Variants in SUMF1 observed in about 807,000 individuals in gnomAD.
The protein encoded by SUMF1 is sulfatase modifying factor 1.
A neutral mutation model predicts 47.6 loss-of-function variants in SUMF1; 48 were observed. The ratio of observed to expected loss-of-function variants is 1.01; its 90% CI spans 0.80 to 1.28. SUMF1 has a LOEUF of 1.28. SUMF1 is among the 50% of genes most tolerant of loss of function. The pLI, the probability that SUMF1 is intolerant of heterozygous loss-of-function variation, is 0.00. For missense variants in SUMF1, 571 were observed against 485.4 expected (o/e 1.18, Z -1.66); for synonymous variants, 230 against 192.1 (o/e 1.20, Z -1.63).
intron 8 of SUMF1, among the ~76,000 whole-genome samples, chr3:4,146,472 A>T (rs1339182890): frequency 6.6e-6 from 1 of 152,124 alleles, no homozygotes; most frequent in Non-Finnish European, 1.5e-5. Flanking sequence ...CAACACTGTC[A>T]GCATATGAAA....
intron 8 of SUMF1, among the ~76,000 whole-genome samples, chr3:4,211,895 G>A (rs1695806959): frequency 6.6e-6 from 1 of 152,150 alleles, no homozygotes; most frequent in Non-Finnish European, 1.5e-5. Context: ...TCCTCTCTGG[G>A]CAGGGCATCT....
chr3:4,347,333 C>T (rs867636883), intron 8 of SUMF1, among the ~76,000 whole-genome samples: 25 of 152,278 alleles, frequency 1.6e-4, no homozygotes, highest in African/African-American at 6.0e-4. Context: ...AACTTACCCA[C>T]CACAATCAAG....
chr3:4,368,331 G>A (rs1317800729), intron 8 of SUMF1, among the ~76,000 whole-genome samples: 1 of 152,188 alleles, frequency 6.6e-6, no homozygotes, highest in African/African-American at 2.4e-5. Flanking sequence ...AAAAAGTCAG[G>A]AAACAACAGG....
intron 8 of SUMF1, among the ~76,000 whole-genome samples, chr3:4,348,381 A>G (rs1249679659): frequency 6.6e-6 from 1 of 152,194 alleles, no homozygotes; most frequent in East Asian, 1.9e-4. Flanking sequence ...CCACACATCT[A>G]CAACCATCTG....
At chr3:4,350,425 T>C (rs142707547) in intron 8 of SUMF1, among the ~76,000 whole-genome samples, 1 of 151,984 alleles carries the variant, frequency 6.6e-6, no homozygotes, top group Non-Finnish European at 1.5e-5. Flanking sequence ...CATATATACA[T>C]GTAGTATAAA....
Position 4,372,997 on chromosome 3 carries a change from C to A in SUMF1, c.1014+3333G>T, listed in dbSNP as rs150235591. ...TCCTGTGGATCCCACTCAGTTCTGT[C>A]AATCTGCTATTCTCCTCTTCTAAAA... On this transcript the variant is annotated intron_variant, in intron 8 of 8. Coordinates refer to ENST00000272902, the MANE Select transcript of SUMF1 (RefSeq NM_182760.4). Among the ~76,000 whole-genome samples, 91 of 152,332 alleles carry A rather than the reference C, an allele frequency of 6.0e-4. No individual in the cohort carries two copies. In the East Asian group the frequency reaches 0.014, roughly 23 times the overall value.
intron 8 of SUMF1, among the ~76,000 whole-genome samples, chr3:4,195,014 G>C (rs765805824): frequency 2.0e-5 from 3 of 152,086 alleles, no homozygotes; most frequent in Non-Finnish European, 4.4e-5. Context: ...AAAGCAATTA[G>C]GTCACAGAGC....
At chr3:4,351,314 C>T (rs962642057) in intron 8 of SUMF1, among the ~76,000 whole-genome samples, 1 of 152,116 alleles carries the variant, frequency 6.6e-6, no homozygotes, top group South Asian at 2.1e-4. Context: ...TGAGTCTTAA[C>T]GAAACAATAC....
At chr3:4,092,645 C>G (rs147945799) in intron 8 of SUMF1, among the ~76,000 whole-genome samples, 11 of 152,166 alleles carry the variant, frequency 7.2e-5, no homozygotes, top group Non-Finnish European at 1.3e-4. Context: ...AAGTGACCAA[C>G]TACTTATAGT....
chr3:4,449,577 T>G lies in SUMF1; in HGVS notation c.445-237A>C, dbSNP rs711633. Reference sequence around the variant, plus strand: ...TCACTTAGCTGATAAGAATGCAGACTGAACAAGATTAGCTTTTGAGAACGT... The same window carrying G: ...TCACTTAGCTGATAAGAATGCAGACGGAACAAGATTAGCTTTTGAGAACGT... On this transcript the variant is annotated intron_variant, in intron 2 of 8. Transcript: ENST00000272902. Among the ~76,000 whole-genome samples the G allele has an allele frequency of 0.33, 50,146 of 152,144 alleles. 8,521 individuals carry two copies. The highest frequency in any genetic ancestry group is 0.38 in the Non-Finnish European group (25,900 of 67,974).
intron 8 of SUMF1, among the ~76,000 whole-genome samples, chr3:4,236,288 C>T (rs1696407657): frequency 6.6e-6 from 1 of 152,078 alleles, no homozygotes; most frequent in African/African-American, 2.4e-5. Flanking sequence ...CTAACTTTCT[C>T]ATATTCATAT....
At chr3:4,129,013 G>C (rs1574908381) in intron 8 of SUMF1, among the ~76,000 whole-genome samples, 1 of 152,132 alleles carries the variant, frequency 6.6e-6, no homozygotes, top group Non-Finnish European at 1.5e-5. Context: ...CAAAGGCTTA[G>C]GCAGATTGGG....
intron 8 of SUMF1, among the ~76,000 whole-genome samples, chr3:4,350,108 C>G (rs551470971): frequency 6.6e-6 from 1 of 151,610 alleles, no homozygotes; most frequent in Admixed American, 6.6e-5. Context: ...TTGAGCAATT[C>G]TCCTGCCTCA....
At chr3:4,142,763 TCACA>T (rs139975128) in intron 8 of SUMF1, among the ~76,000 whole-genome samples, 7,688 of 152,028 alleles carry the variant, frequency 0.051, 533 homozygotes, top group East Asian at 0.17. Context: ...CTCACAGCCC[TCACA>T]CACACCTCCA....
chr3:4,117,487 G>C (rs1291480039), intron 8 of SUMF1, among the ~76,000 whole-genome samples: 1 of 152,036 alleles, frequency 6.6e-6, no homozygotes, highest in Non-Finnish European at 1.5e-5. Context: ...TCTGGAACTT[G>C]TTTTCTTAGT....
chr3:4,140,630 T>G (rs183109213), intron 8 of SUMF1, among the ~76,000 whole-genome samples: 166 of 152,176 alleles, frequency 1.1e-3, no homozygotes, highest in African/African-American at 3.4e-3. Context: ...CATTATTCCT[T>G]GACTTTACCT....
At chr3:4,420,178 C>G in intron 3 of SUMF1, 32 bp from the exon 4 acceptor site, 1 of 1,524,718 alleles carries the variant, frequency 6.6e-7, no homozygotes, top group South Asian at 1.1e-5. Context: ...CTGATGTTAG[C>G]TACTAACATC....
At chr3:4,155,897 T>A (rs1694441178) in intron 8 of SUMF1, among the ~76,000 whole-genome samples, 1 of 150,940 alleles carries the variant, frequency 6.6e-6, no homozygotes, top group Non-Finnish European at 1.5e-5. Flanking sequence ...CCACAGATAC[T>A]CTTCATAATC....
At position 4,137,277 on chromosome 3, in the gene SUMF1, G is replaced by T. The variant is rs534170330; in HGVS notation, c.1015-68532C>A. ...GAAAATGTGGCACATATACACCATG[G>T]AATACTCTGCAGCCATAAAAAAGGA... On this transcript the variant is annotated intron_variant and NMD_transcript_variant, in intron 8 of 12. Transcript: ENST00000448413. Among the ~76,000 whole-genome samples, 5 of 152,160 alleles carry T rather than the reference G, an allele frequency of 3.3e-5. No homozygotes were observed. In the South Asian group the frequency reaches 1.0e-3, roughly 32 times the overall value.
Sources: gnomAD v4.1 joint callset for allele counts (sites outside exome capture counted in the v4.1 genomes callset) on GRCh38, gnomAD v4.1.1 for gene constraint, MANE v1.5 for transcripts, NCBI Gene and HGNC (gene_info 2026-07-23, HGNC 2026-07-21) for gene names.